Variants in KLHL1 observed in about 807,000 individuals in gnomAD.
KLHL1 encodes the protein kelch like family member 1.
In KLHL1, 47 loss-of-function variants were observed where a neutral mutation model predicts 77.7. The observed-to-expected ratio is 0.60, with a 90% CI of 0.48 to 0.77. The LOEUF (loss-of-function observed/expected upper bound fraction) is 0.77, where lower values mean the gene tolerates loss of function less well. Ranked by LOEUF, KLHL1 falls within the 30% of genes least tolerant of loss-of-function variation. KLHL1 has a pLI of 0.00. For missense variants in KLHL1, 925 were observed against 910.8 expected, an observed-to-expected ratio of 1.02 and a Z score of -0.20; for synonymous variants, 360 against 325.2, an observed-to-expected ratio of 1.11 and a Z score of -1.15.
chr13:69,903,212 A>C (rs1881930643), intron 4 of KLHL1, among the ~76,000 whole-genome samples: 1 of 152,170 alleles, frequency 6.6e-6, no homozygotes, highest in African/African-American at 2.4e-5. Flanking sequence ...CTCTTTCTGC[A>C]ATGAAGCCAA....
chr13:70,088,757 T>A (rs1332880926), intron 1 of KLHL1, among the ~76,000 whole-genome samples: 1 of 152,176 alleles, frequency 6.6e-6, no homozygotes, highest in East Asian at 1.9e-4. Context: ...TTAAACTATA[T>A]TAAAATTTTA....
intron 6 of KLHL1, among the ~76,000 whole-genome samples, chr13:69,811,972 C>T (rs1403269914): frequency 6.6e-6 from 1 of 152,064 alleles, no homozygotes; most frequent in Non-Finnish European, 1.5e-5. Context: ...TCTTGCTTCT[C>T]TAGTTCTTTT....
chr13:69,840,098 A>G (rs1879185413), intron 5 of KLHL1, among the ~76,000 whole-genome samples: 1 of 152,114 alleles, frequency 6.6e-6, no homozygotes, highest in Non-Finnish European at 1.5e-5. Flanking sequence ...TTGAATGAAT[A>G]AAAATGGCAG....
intron 1 of KLHL1, among the ~76,000 whole-genome samples, chr13:70,011,446 G>T (rs1168239271): frequency 1.3e-5 from 2 of 152,060 alleles, no homozygotes; most frequent in Non-Finnish European, 2.9e-5. Flanking sequence ...CTTCCTTATT[G>T]ATATTTTGTT....
At chr13:69,989,845 C>T (rs911803333) in intron 1 of KLHL1, among the ~76,000 whole-genome samples, 1 of 151,868 alleles carries the variant, frequency 6.6e-6, no homozygotes, top group African/African-American at 2.4e-5. Context: ...TGCTTATCAG[C>T]TCAAGGAACT....
At chr13:69,941,844 C>T (rs1593971367) in intron 3 of KLHL1, among the ~76,000 whole-genome samples, 1 of 151,812 alleles carries the variant, frequency 6.6e-6, no homozygotes, top group Non-Finnish European at 1.5e-5. Context: ...ACCTTATGTG[C>T]ACAAACTAGA....
At chr13:69,828,447 C>T (rs1417436777) in intron 6 of KLHL1, among the ~76,000 whole-genome samples, 1 of 149,944 alleles carries the variant, frequency 6.7e-6, no homozygotes, top group Non-Finnish European at 1.5e-5. Flanking sequence ...GGGAGGGAAG[C>T]CAGTGGAATT....
intron 6 of KLHL1, among the ~76,000 whole-genome samples, chr13:69,814,657 G>C (rs1878044263): frequency 6.6e-6 from 1 of 152,104 alleles, no homozygotes; most frequent in African/African-American, 2.4e-5. Context: ...AATCATCAGA[G>C]AGATGCAAAT....
chr13:69,859,866 G>A (rs1276404714), intron 5 of KLHL1, among the ~76,000 whole-genome samples: 1 of 152,090 alleles, frequency 6.6e-6, no homozygotes, highest in East Asian at 1.9e-4. Context: ...TTTAAGCTAA[G>A]TGATCATTAT....
At chr13:69,913,561 T>G (rs1399456516) in intron 4 of KLHL1, among the ~76,000 whole-genome samples, 1 of 152,234 alleles carries the variant, frequency 6.6e-6, no homozygotes, top group Non-Finnish European at 1.5e-5. Flanking sequence ...CTATGTATCA[T>G]TTTGTACTAG....
At chr13:69,818,217 A>ATTTTTTT in intron 6 of KLHL1, among the ~76,000 whole-genome samples, 1 of 124,418 alleles carries the variant, frequency 8.0e-6, no homozygotes, top group African/African-American at 3.9e-5. Flanking sequence ...ACTCATAGGC[A>ATTTTTTT]TCTTTTTTTT....
At chr13:69,818,625 C>A (rs1878219186) in intron 6 of KLHL1, among the ~76,000 whole-genome samples, 1 of 152,110 alleles carries the variant, frequency 6.6e-6, no homozygotes, top group Non-Finnish European at 1.5e-5. Context: ...TCTACAATAT[C>A]CCTTAGCAAG....
intron 6 of KLHL1, among the ~76,000 whole-genome samples, chr13:69,828,060 T>C (rs1490655034): frequency 6.7e-6 from 1 of 150,258 alleles, no homozygotes; most frequent in Non-Finnish European, 1.5e-5. Context: ...CCCACTTGGA[T>C]GGACAGAACA....
At chr13:69,998,684 C>A (rs772830316) in intron 1 of KLHL1, among the ~76,000 whole-genome samples, 9 of 151,968 alleles carry the variant, frequency 5.9e-5, no homozygotes, top group African/African-American at 1.7e-4. Context: ...ACAGACTTAT[C>A]GACTTTAAAC....
At chr13:70,015,342 G>C (rs192882621) in intron 1 of KLHL1, among the ~76,000 whole-genome samples, 1 of 152,076 alleles carries the variant, frequency 6.6e-6, no homozygotes, top group African/African-American at 2.4e-5. Context: ...GTAAGTATTT[G>C]TGTATCTAAA....
chr13:69,935,385 C>G (rs1883154364), intron 4 of KLHL1, among the ~76,000 whole-genome samples: 1 of 151,516 alleles, frequency 6.6e-6, no homozygotes, highest in African/African-American at 2.4e-5. Context: ...TTTATGTTAT[C>G]AAGAAGCTAC....
At chr13:69,813,750 A>C (rs983322507) in intron 6 of KLHL1, among the ~76,000 whole-genome samples, 4 of 152,212 alleles carry the variant, frequency 2.6e-5, no homozygotes, top group African/African-American at 9.6e-5. Flanking sequence ...ATCATGGATG[A>C]CACAAACAAA....
Position 69,975,604 on chromosome 13 carries a change from A to G in KLHL1, c.680+16T>C. 6.2e-7 allele frequency: 1 copy of G among 1,601,358 alleles called. No homozygotes were observed. The highest frequency in any genetic ancestry group is 8.5e-7 in the Non-Finnish European group (1 of 1,174,818). On this transcript the variant is annotated intron_variant, in intron 2 of 10. Coordinates refer to ENST00000377844, the MANE Select transcript of KLHL1 (RefSeq NM_020866.3). ...ACATGTGAATGCATGTTTCCAGTAG[A>G]GGCAGACTACTGTACCTATGTGCAG...
intron 5 of KLHL1, among the ~76,000 whole-genome samples, chr13:69,865,494 T>A (rs1380920275): frequency 6.6e-6 from 1 of 152,110 alleles, no homozygotes; most frequent in Non-Finnish European, 1.5e-5. Flanking sequence ...TCACTGAACA[T>A]TAGGATTTAA....
Sources: gnomAD v4.1 joint callset for allele counts (sites outside exome capture counted in the v4.1 genomes callset) on GRCh38, gnomAD v4.1.1 for gene constraint, MANE v1.5 for transcripts, NCBI Gene and HGNC (gene_info 2026-07-23, HGNC 2026-07-21) for gene names.